NAV2: variants seen among roughly 807,000 people sequenced by gnomAD.
NAV2 encodes neuron navigator 2.
NAV2 carries 54 observed loss-of-function variants against 223.2 expected under a neutral mutation model. That is an observed-to-expected ratio of 0.24 (90% CI 0.19 to 0.30). The LOEUF (loss-of-function observed/expected upper bound fraction) is 0.30, where lower values mean the gene tolerates loss of function less well. Ranked by LOEUF, NAV2 falls within the 10% of genes least tolerant of loss-of-function variation. The probability of loss-of-function intolerance (pLI) is 1.00; values close to 1 mark genes in which losing one functional copy is unlikely to be tolerated. For missense variants in NAV2, 2,806 were observed against 3,147.5 expected, an observed-to-expected ratio of 0.89 and a Z score of 2.60; for synonymous variants, 1,279 against 1,239.3, an observed-to-expected ratio of 1.03 and a Z score of -0.67.
At chr11:20,013,949 A>G (rs2053789128) in intron 11 of NAV2, among the ~76,000 whole-genome samples, 1 of 152,222 alleles carries the variant, frequency 6.6e-6, no homozygotes, top group Non-Finnish European at 1.5e-5. Context: ...ATGTGGTGAC[A>G]GATGTAGGGG....
intron 1 of NAV2, among the ~76,000 whole-genome samples, chr11:19,723,406 A>G (rs1223411488): frequency 5.3e-5 from 8 of 152,056 alleles, no homozygotes; most frequent in African/African-American, 1.9e-4. Context: ...GCAGGATTTG[A>G]ACTGAGGTCT....
chr11:19,347,518 A>G (rs1853072079), upstream of NAV2, among the ~76,000 whole-genome samples: 1 of 152,166 alleles, frequency 6.6e-6, no homozygotes, highest in Non-Finnish European at 1.5e-5. Context: ...ACCAGGCAGG[A>G]AAAAGTCTTG....
At chr11:19,808,366 A>T (rs2058684195) in intron 1 of NAV2, among the ~76,000 whole-genome samples, 1 of 152,204 alleles carries the variant, frequency 6.6e-6, no homozygotes, top group Non-Finnish European at 1.5e-5. Context: ...GGTCCCATTG[A>T]GAACTGAGCA....
At chr11:19,997,135 A>G (rs570551734) in intron 11 of NAV2, among the ~76,000 whole-genome samples, 1 of 152,320 alleles carries the variant, frequency 6.6e-6, no homozygotes, top group African/African-American at 2.4e-5. Context: ...CCTAGAGAAG[A>G]TGTGAACAGA....
At chr11:19,908,820 C>T (rs547816843) in intron 6 of NAV2, among the ~76,000 whole-genome samples, 142 of 151,908 alleles carry the variant, frequency 9.3e-4, no homozygotes, top group Admixed American at 1.6e-3. Context: ...GTAGGCAAAT[C>T]GATAGAGACA....
At chr11:19,572,087 T>A (rs1032747637) in intron 1 of NAV2, among the ~76,000 whole-genome samples, 1 of 152,124 alleles carries the variant, frequency 6.6e-6, no homozygotes, top group Non-Finnish European at 1.5e-5. Context: ...GACACAGGGG[T>A]GCAGATGGGA....
intron 1 of NAV2, among the ~76,000 whole-genome samples, chr11:19,515,442 A>G (rs2043415428): frequency 1.3e-5 from 2 of 152,030 alleles, no homozygotes; most frequent in Non-Finnish European, 2.9e-5. Flanking sequence ...TTTATTTTTA[A>G]TTGTATTTTT....
chr11:19,377,137 T>G (rs1281958098), intron 1 of NAV2, among the ~76,000 whole-genome samples: 1 of 152,154 alleles, frequency 6.6e-6, no homozygotes, highest in Non-Finnish European at 1.5e-5. Flanking sequence ...GGCCTTGTTT[T>G]CTCAACAGCA....
chr11:19,679,824 T>C (rs2048828788), intron 1 of NAV2, among the ~76,000 whole-genome samples: 1 of 152,230 alleles, frequency 6.6e-6, no homozygotes, highest in Non-Finnish European at 1.5e-5. Context: ...AAGCTATCTT[T>C]GGATTTCCAG....
In NAV2 at chr11:19,868,933, C is replaced by T; in HGVS notation, c.447C>T (p.Asn149=). 6.2e-7 allele frequency: 1 copy of T among 1,612,694 alleles called. No individual in the cohort carries two copies. The highest frequency in any genetic ancestry group is 8.5e-7 in the Non-Finnish European group (1 of 1,179,268). ...TTGTTTTTCCCTCCTAGATTGAAAA[C>T]ATAGATGCCTGCTTGAATTTCCTGG... ...CPKNRSQMIE[N]IDACLNFLAA... The change falls in exon 4 of 38, where the codon AAC becomes AAT. Residue 149 remains asparagine (N), a synonymous_variant. Coordinates refer to ENST00000349880, the MANE Select transcript of NAV2 (RefSeq NM_145117.5).
chr11:19,509,540 G>A (rs370706792), intron 1 of NAV2, among the ~76,000 whole-genome samples: 8 of 152,188 alleles, frequency 5.3e-5, no homozygotes, highest in African/African-American at 1.7e-4. Context: ...GCTGATTTGG[G>A]CTTGTATTCC....
At position 19,928,149 on chromosome 11, in the gene NAV2, C is replaced by A. The variant is rs561097493; in HGVS notation, c.932-5027C>A. Among the ~76,000 whole-genome samples, 6 of 152,246 alleles carry A rather than the reference C, an allele frequency of 3.9e-5. No individual in the cohort carries two copies. In the South Asian group the frequency reaches 1.2e-3, roughly 32 times the overall value. On this transcript the variant is annotated intron_variant, in intron 6 of 37. Coordinates refer to ENST00000349880, the MANE Select transcript of NAV2 (RefSeq NM_145117.5). Reference sequence around the variant, plus strand: ...TTGATTTAATGTAACAGTGTTTCTCCCACTTCAGTCTTACATAAAATTTCT... The same window carrying A: ...TTGATTTAATGTAACAGTGTTTCTCACACTTCAGTCTTACATAAAATTTCT...
intron 1 of NAV2, among the ~76,000 whole-genome samples, chr11:19,764,989 A>AC (rs934822536): frequency 3.3e-5 from 5 of 151,952 alleles, no homozygotes; most frequent in Admixed American, 6.6e-5. Context: ...ACTCACTGCT[A>AC]CCCTCCCAGA....
At chr11:19,738,164 A>G (rs1471764230) in intron 1 of NAV2, among the ~76,000 whole-genome samples, 1 of 152,226 alleles carries the variant, frequency 6.6e-6, no homozygotes, top group Non-Finnish European at 1.5e-5. Flanking sequence ...GGGCTTATGG[A>G]GAGGTTGACA....
chr11:19,861,631 A>G (rs1197582242), intron 3 of NAV2, among the ~76,000 whole-genome samples: 5 of 152,232 alleles, frequency 3.3e-5, no homozygotes, highest in Admixed American at 2.6e-4. Flanking sequence ...GCCAGAAACA[A>G]GATTTGAATC....
chr11:20,048,710 C>T lies in NAV2; in HGVS notation c.3903-18C>T, dbSNP rs1205587035. On this transcript the variant is annotated intron_variant, in intron 14 of 37. Transcript: ENST00000349880. ...GGCACTGGGTGTTCAACCTACACAACCCTTTGTCTCTTCACAGACTCTTTG... is the reference window on the plus strand; with the variant it reads ...GGCACTGGGTGTTCAACCTACACAATCCTTTGTCTCTTCACAGACTCTTTG... 6.2e-7 allele frequency: 1 copy of T among 1,609,202 alleles called. No homozygotes were observed. Among genetic ancestry groups the T allele is most frequent in the African/African-American group, 1.3e-5 (1 of 74,834 alleles).
chr11:19,806,103 G>C (rs1270069638), intron 1 of NAV2, among the ~76,000 whole-genome samples: 1 of 152,222 alleles, frequency 6.6e-6, no homozygotes, highest in African/African-American at 2.4e-5. Context: ...ATTTGCTTTA[G>C]TGTGGTAGCC....
At chr11:19,556,671 G>T (rs957745822) in intron 1 of NAV2, among the ~76,000 whole-genome samples, 1 of 152,110 alleles carries the variant, frequency 6.6e-6, no homozygotes, top group East Asian at 1.9e-4. Flanking sequence ...TAAGTAACAC[G>T]ATCTAGCAGA....
At chr11:19,349,413 G>A (rs950737999), upstream of NAV2, among the ~76,000 whole-genome samples, 27 of 152,150 alleles carry the variant, frequency 1.8e-4, no homozygotes, top group Non-Finnish European at 7.3e-5. Flanking sequence ...GAGCTGTGCG[G>A]AAGCCTTTTG....
Sources: gnomAD v4.1 joint callset for allele counts (sites outside exome capture counted in the v4.1 genomes callset) on GRCh38, gnomAD v4.1.1 for gene constraint, MANE v1.5 for transcripts, NCBI Gene and HGNC (gene_info 2026-07-23, HGNC 2026-07-21) for gene names.